Variants in NTRK1 observed in about 807,000 individuals in gnomAD.
NTRK1 encodes the protein neurotrophic receptor tyrosine kinase 1, also known as high affinity nerve growth factor receptor.
Under a neutral mutation model 86.8 loss-of-function variants are expected in NTRK1, and 62 were observed. That is an observed-to-expected ratio of 0.71 (90% confidence interval 0.58 to 0.88). NTRK1 has a LOEUF of 0.88. Among genes scored for constraint, NTRK1 ranks in the 40% least tolerant of loss-of-function variants. NTRK1 has a pLI of 0.00. For missense variants in NTRK1, 967 were observed against 1,078.4 expected (o/e 0.90, Z 1.45); for synonymous variants, 469 against 456.6 (o/e 1.03, Z -0.35).
intron 1 of NTRK1, chr1:156,816,740 G>C (rs374433025): frequency 1.1e-5 from 18 of 1,580,228 alleles, no homozygotes; most frequent in Non-Finnish European, 1.5e-5. Context: ...CCCAGAGCAG[G>C]GTGTGTGTAT....
chr1:156,854,062 G>C lies in NTRK1; in HGVS notation c.51-10292G>C. Reference sequence around the variant, plus strand: ...AGATGACCAGTGCATAGCCCAGGAAGAGGCGCGTCCCGCGGATGACTGCTA... The same window carrying C: ...AGATGACCAGTGCATAGCCCAGGAACAGGCGCGTCCCGCGGATGACTGCTA... On this transcript the variant is annotated intron_variant, in intron 2 of 16. Transcript: ENST00000392302. This position sits in a 1 kb window ranked among gnomAD's most constrained non-coding sequence, Gnocchi z 4.2. The C allele has an allele frequency of 6.2e-7, 1 of 1,614,120 alleles. No individual in the cohort carries two copies. The highest frequency in any genetic ancestry group is 8.5e-7 in the Non-Finnish European group (1 of 1,180,046).
chr1:156,845,819 C>G (rs763153726), intron 2 of NTRK1: 1 of 1,611,464 alleles, frequency 6.2e-7, no homozygotes, highest in Non-Finnish European at 8.5e-7. Context: ...GCAAGCCTGG[C>G]GCCGCAGCGG....
intron 1 of NTRK1, among the ~76,000 whole-genome samples, chr1:156,827,379 C>T (rs1654347269): frequency 6.6e-6 from 1 of 152,060 alleles, no homozygotes; most frequent in Non-Finnish European, 1.5e-5. Context: ...TCTTTTGCCT[C>T]AGCCTCCCAA....
rs1418296938 is a variant in NTRK1, at chr1:156,854,301, A to G, written c.51-10053A>G. Reference sequence around the variant, plus strand: ...TCTGAGCGAATATCCAGGCTGGGGCACACTGTGGGCATACACGGCACGCAG... The same window carrying G: ...TCTGAGCGAATATCCAGGCTGGGGCGCACTGTGGGCATACACGGCACGCAG... On this transcript the variant is annotated intron_variant, in intron 2 of 16. Coordinates refer to the NTRK1 transcript ENST00000392302. This position sits in a 1 kb window ranked among gnomAD's most constrained non-coding sequence, Gnocchi z 4.2. 1.2e-6 allele frequency: 2 copies of G among 1,608,252 alleles called. No homozygotes were observed. The highest frequency in any genetic ancestry group is 2.7e-5 in the African/African-American group (2 of 74,894).
At chr1:156,843,166 G>A in intron 2 of NTRK1, 1 of 1,614,076 alleles carries the variant, frequency 6.2e-7, no homozygotes, top group Non-Finnish European at 8.5e-7. Context: ...TCCCAAAAGA[G>A]CCCTGGCCCA....
intron 1 of NTRK1, among the ~76,000 whole-genome samples, chr1:156,827,810 A>G (rs1571643453): frequency 6.6e-6 from 1 of 152,208 alleles, no homozygotes; most frequent in Non-Finnish European, 1.5e-5. Context: ...TTCAACAGCT[A>G]CTTTTCTTCC....
At chr1:156,821,611 T>C (rs2102833507) in intron 1 of NTRK1, among the ~76,000 whole-genome samples, 1 of 152,012 alleles carries the variant, frequency 6.6e-6, no homozygotes, top group Admixed American at 6.6e-5. Context: ...CTCAGAGTGG[T>C]GAGGAAAGGA....
At position 156,854,100 on chromosome 1, in the gene NTRK1, G is replaced by A. The variant is rs1033022497; in HGVS notation, c.51-10254G>A. 6.2e-7 allele frequency: 1 copy of A among 1,614,124 alleles called. No individual in the cohort carries two copies. The highest frequency in any genetic ancestry group is 8.5e-7 in the Non-Finnish European group (1 of 1,180,048). On this transcript the variant is annotated intron_variant, in intron 2 of 16. Coordinates refer to the NTRK1 transcript ENST00000392302. The surrounding 1 kb of genome is among the most constrained non-coding windows in gnomAD (Gnocchi z 4.2). ...CGGATGACTGCTAGGTTGGGGAAGA[G>A]GTCGCGCAGGCTCTCCAGTCCGTAG...
intron 2 of NTRK1, chr1:156,844,206 C>G: frequency 6.2e-7 from 1 of 1,613,910 alleles, no homozygotes; most frequent in Non-Finnish European, 8.5e-7. Context: ...CCAAGGGCAG[C>G]AAGAACGATG....
intron 3 of NTRK1, among the ~76,000 whole-genome samples, chr1:156,865,219 C>T (rs568892227): frequency 3.3e-5 from 5 of 152,272 alleles, no homozygotes; most frequent in Admixed American, 3.3e-4. Flanking sequence ...TTGTCACCCT[C>T]CTCATTCCTG....
chr1:156,858,694 C>T, upstream of NTRK1: 2 of 1,279,390 alleles, frequency 1.6e-6, no homozygotes, highest in South Asian at 1.2e-5. Flanking sequence ...GTGATAAGCC[C>T]TAAGGGACAC....
Position 156,871,605 on chromosome 1 carries a change from C to A in NTRK1, c.718-18C>A. Reference sequence around the variant, plus strand: ...GGCTAAAGCTCCTTCTTATTCCCCCCTCTCTTTCCTGATCTAGAAATCTGG... The same window carrying A: ...GGCTAAAGCTCCTTCTTATTCCCCCATCTCTTTCCTGATCTAGAAATCTGG... On this transcript the variant is annotated intron_variant, in intron 6 of 16. Transcript: ENST00000524377. 6.2e-7 allele frequency: 1 copy of A among 1,614,026 alleles called. No individual in the cohort carries two copies. The highest frequency in any genetic ancestry group is 8.5e-7 in the Non-Finnish European group (1 of 1,179,968).
At chr1:156,843,253 C>T (rs1231055248) in intron 2 of NTRK1, 16 of 1,610,510 alleles carry the variant, frequency 9.9e-6, no homozygotes, top group Non-Finnish European at 1.2e-5. Flanking sequence ...GGTGGAGGGT[C>T]ACAAAGCGAG....
chr1:156,850,684 A>G (rs1261044703), intron 2 of NTRK1, among the ~76,000 whole-genome samples: 2 of 150,708 alleles, frequency 1.3e-5, no homozygotes, highest in East Asian at 2.0e-4. Flanking sequence ...CCTCCCAAGT[A>G]GCTGGGATTA....
At chr1:156,857,802 TG>T (rs1246224828), upstream of NTRK1, among the ~76,000 whole-genome samples, 2 of 152,340 alleles carry the variant, frequency 1.3e-5, no homozygotes, top group East Asian at 3.9e-4. Flanking sequence ...ATGGTGGGAC[TG>T]GGGAAGGGGA....
chr1:156,869,087 C>T (rs912215377), intron 6 of NTRK1, among the ~76,000 whole-genome samples: 16 of 141,730 alleles, frequency 1.1e-4, no homozygotes, highest in African/African-American at 3.8e-4. Context: ...TTCCTTCCTT[C>T]CTTTTATGGA....
At position 156,876,056 on chromosome 1, in the gene NTRK1, G is replaced by A. The variant is rs184260214; in HGVS notation, c.1502-24G>A. 893 of 1,614,104 alleles carry A rather than the reference G, an allele frequency of 5.5e-4. 15 individuals are homozygous for A. In the East Asian group the frequency reaches 0.018, roughly 33 times the overall value. On this transcript the variant is annotated intron_variant, in intron 12 of 16. Transcript: ENST00000524377. ...CAGCCCTCCCAAGACTGGGGCTACC[G>A]TCTGACCCTGCAAGCCCCCTCAGGT... is the stretch of plus-strand genomic sequence containing the variant.
chr1:156,864,541 C>T (rs1655835992), intron 2 of NTRK1, 113 bp downstream of exon 2: 8 of 1,235,304 alleles, frequency 6.5e-6, no homozygotes, highest in South Asian at 1.2e-5. Context: ...AGGCTGAGCA[C>T]TGAGGGACTG....
In NTRK1 at chr1:156,864,368, AGCAGCATCT is replaced by A. The variant is rs1655824830; in HGVS notation, c.238_246del (p.Gln80_Leu82del). On this transcript the variant is annotated inframe_deletion, in exon 2 of 17. Coordinates refer to ENST00000524377, the MANE Select transcript of NTRK1 (RefSeq NM_002529.4). The stretch of plus-strand genomic sequence containing the variant: ...TCTCCCCACAGCTACATCGAGAACC[AGCAGCATCT>A]GCAGCATCTGGAGCTCCGTGATCTG... 1 of 1,614,184 alleles carries A rather than the reference AGCAGCATCT, an allele frequency of 6.2e-7. No individual in the cohort carries two copies. Among genetic ancestry groups the A allele is most frequent in the Non-Finnish European group, 8.5e-7 (1 of 1,180,034 alleles).
Sources: gnomAD v4.1 joint callset for allele counts (sites outside exome capture counted in the v4.1 genomes callset) on GRCh38, gnomAD v4.1.1 for gene constraint, Gnocchi (gnomAD v3.1) non-coding constraint, MANE v1.5 for transcripts, NCBI Gene and HGNC (gene_info 2026-07-23, HGNC 2026-07-21) for gene names.